The following FHOD3 variants were observed in gnomAD, a reference collection of about 807,000 sequenced individuals.
FHOD3 encodes the protein formin homology 2 domain containing 3, also known as FH1/FH2 domain-containing protein 3.
Under a neutral mutation model 173.0 loss-of-function variants are expected in FHOD3, and 90 were observed. That is an observed-to-expected ratio of 0.52 (90% confidence interval 0.44 to 0.62). FHOD3 has a LOEUF of 0.62. FHOD3 is among the 20% of genes least tolerant of loss of function. FHOD3 has a pLI of 0.00. For missense variants in FHOD3, 1,945 were observed against 2,034.7 expected (o/e 0.96, Z 0.85); for synonymous variants, 828 against 823.0 (o/e 1.01, Z -0.10).
intron 3 of FHOD3, among the ~76,000 whole-genome samples, chr18:36,373,635 T>C (rs1006258810): frequency 2.0e-5 from 3 of 152,230 alleles, no homozygotes; most frequent in African/African-American, 7.2e-5. Flanking sequence ...TGCCTCACTC[T>C]GCAGCTAAAG....
rs1177741466 is a variant in FHOD3, at chr18:36,602,751, A to G, written c.796A>G (p.Met266Val). 3.7e-6 allele frequency: 6 copies of G among 1,614,084 alleles called. No homozygotes were observed. Among genetic ancestry groups the G allele is most frequent in the East Asian group, 2.2e-5 (1 of 44,886 alleles). The stretch of plus-strand genomic sequence containing the variant: ...TGATACGGAGCTACTGGTTTATGCA[A>G]TGACTTTGGTGAACAAGGTTGGTTG... ...GVDTELLVYAMTLVNKTLSGL... is the reference protein window; with the variant it reads ...GVDTELLVYAVTLVNKTLSGL... The change falls in exon 8 of 29, where the codon ATG (methionine) becomes GTG (valine). Residue 266 changes from methionine (M) to valine (V), a missense_variant. Met to Val is a conservative substitution (Grantham distance 21). Around this residue, in one of 5 missense-constraint regions of FHOD3, gnomAD observed 1,099 missense variants for 1,051.2 expected, o/e 1.05. Transcript: ENST00000590592.
intron 2 of FHOD3, among the ~76,000 whole-genome samples, chr18:36,371,807 A>G (rs1390926622): frequency 6.6e-6 from 1 of 151,472 alleles, no homozygotes; most frequent in African/African-American, 2.5e-5. Context: ...GCCCTGGTGG[A>G]GAGAGGTGAG....
intron 1 of FHOD3, among the ~76,000 whole-genome samples, chr18:36,343,510 G>A (rs1489563155): frequency 6.6e-6 from 1 of 152,162 alleles, no homozygotes; most frequent in African/African-American, 2.4e-5. Context: ...TTGGGTCATG[G>A]GGATACATCC....
intron 1 of FHOD3, among the ~76,000 whole-genome samples, chr18:36,314,573 G>T (rs534831190): frequency 6.6e-6 from 1 of 152,322 alleles, no homozygotes; most frequent in Admixed American, 6.5e-5. Context: ...AGATATTTAA[G>T]AAGTTCAGGG....
At chr18:36,693,107 A>C (rs2039059840) in intron 16 of FHOD3, 102 bp from the exon 17 acceptor site, 31 of 1,187,524 alleles carry the variant, frequency 2.6e-5, no homozygotes, top group Non-Finnish European at 3.6e-5. Context: ...TGCTGTGTGC[A>C]TCAGGAAACC....
chr18:36,421,259 C>T (rs568588016), intron 3 of FHOD3, among the ~76,000 whole-genome samples: 2 of 151,912 alleles, frequency 1.3e-5, no homozygotes, highest in South Asian at 2.1e-4. Flanking sequence ...GGGAAATACA[C>T]ACAAATTGAA....
At chr18:36,627,820 C>T (rs1373395893) in intron 10 of FHOD3, among the ~76,000 whole-genome samples, 1 of 152,124 alleles carries the variant, frequency 6.6e-6, no homozygotes, top group African/African-American at 2.4e-5. Flanking sequence ...AGCTTAGTCA[C>T]CTGCTCAACA....
intron 3 of FHOD3, among the ~76,000 whole-genome samples, chr18:36,430,463 G>A (rs1365121420): frequency 2.0e-5 from 3 of 152,190 alleles, no homozygotes; most frequent in Admixed American, 6.5e-5. Flanking sequence ...TGATCCGCCT[G>A]CCTCGGCCTC....
chr18:36,445,678 A>T (rs1303919687), intron 3 of FHOD3, among the ~76,000 whole-genome samples: 1 of 152,172 alleles, frequency 6.6e-6, no homozygotes, highest in African/African-American at 2.4e-5. Context: ...GCTTTGCTTT[A>T]CCTCAATATT....
Position 36,658,102 on chromosome 18 carries a change from T to C in FHOD3, c.1749T>C (p.Tyr583=), listed in dbSNP as rs929205067. The C allele has an allele frequency of 3.1e-6, 5 of 1,607,426 alleles. No homozygotes were observed. The highest frequency in any genetic ancestry group is 1.1e-5 in the South Asian group (1 of 90,688). ...NRYSNFGNNS[Y]HSSRPSSGSS... ...ACAGCAATTTTGGCAATAACTCTTATCACTCCTCAAGACCCTCATCTGGAT... is the reference window on the plus strand; with the variant it reads ...ACAGCAATTTTGGCAATAACTCTTACCACTCCTCAAGACCCTCATCTGGAT... The change falls in exon 14 of 29, where the codon TAT becomes TAC. Residue 583 remains tyrosine (Y), a synonymous_variant. Coordinates refer to ENST00000590592, the MANE Select transcript of FHOD3 (RefSeq NM_001281740.3).
At chr18:36,337,694 T>G (rs562495318) in intron 1 of FHOD3, among the ~76,000 whole-genome samples, 2 of 152,334 alleles carry the variant, frequency 1.3e-5, no homozygotes, top group South Asian at 4.1e-4. Context: ...TAGAAATACA[T>G]GGATGCCTGT....
At chr18:36,632,008 T>C (rs1289589041) in intron 10 of FHOD3, among the ~76,000 whole-genome samples, 1 of 151,786 alleles carries the variant, frequency 6.6e-6, no homozygotes, top group Non-Finnish European at 1.5e-5. Context: ...TTGGTTCCAG[T>C]TTTTTTCTCA....
At position 36,382,355 on chromosome 18, in the gene FHOD3, C is replaced by T. The variant is rs542950872; in HGVS notation, c.337+9611C>T. On this transcript the variant is annotated intron_variant, in intron 3 of 28. Coordinates refer to ENST00000590592, the MANE Select transcript of FHOD3 (RefSeq NM_001281740.3). ...AAAGCTGGGTCTGGCTGCGTTTTTT[C>T]GAGGCCCAATAACGAGAAGCAGACA... Among the ~76,000 whole-genome samples, 42 of 152,152 alleles carry T rather than the reference C, an allele frequency of 2.8e-4. 1 individual carries two copies. The South Asian group carries it at 8.1e-3, about 29-fold the overall frequency.
chr18:36,697,923 G>A (rs1308491243), intron 17 of FHOD3, among the ~76,000 whole-genome samples: 1 of 152,186 alleles, frequency 6.6e-6, no homozygotes, highest in East Asian at 1.9e-4. Flanking sequence ...GATGTTCTGA[G>A]TCTCCTTCAG....
intron 1 of FHOD3, among the ~76,000 whole-genome samples, chr18:36,336,848 CAAAAAAAAAAAAA>C (rs36099993): frequency 8.4e-5 from 3 of 35,800 alleles, no homozygotes; most frequent in Non-Finnish European, 1.6e-4. Flanking sequence ...AACTCCGTCT[CAAAAAAAAAAAAA>C]AAAAAAAAAA....
intron 10 of FHOD3, among the ~76,000 whole-genome samples, chr18:36,633,139 CA>C (rs1316516504): frequency 6.6e-6 from 1 of 152,222 alleles, no homozygotes; most frequent in African/African-American, 2.4e-5. Flanking sequence ...TCACTTGAGG[CA>C]GTTTCCCCTT....
At chr18:36,632,627 G>A (rs957240101) in intron 10 of FHOD3, among the ~76,000 whole-genome samples, 1 of 152,056 alleles carries the variant, frequency 6.6e-6, no homozygotes. Context: ...GTGGCTTTTA[G>A]GCATCATGCT....
intron 3 of FHOD3, among the ~76,000 whole-genome samples, chr18:36,481,020 GTTTT>G (rs35793521): frequency 0.44 from 45,746 of 104,882 alleles, 8,466 homozygotes; most frequent in South Asian, 0.56. Context: ...TTGGGAGGTG[GTTTT>G]TTTTTTTTTT....
intron 5 of FHOD3, among the ~76,000 whole-genome samples, chr18:36,568,326 C>CAAAAAAAAAAAAA (rs71168234): frequency 4.2e-5 from 1 of 24,046 alleles, no homozygotes; most frequent in African/African-American, 1.6e-4. Flanking sequence ...GACTCTGTCT[C>CAAAAAAAAAAAAA]AAAAAAAAAA....
Sources: allele counts gnomAD v4.1 joint callset (sites outside exome capture counted in the v4.1 genomes callset), GRCh38; gene constraint gnomAD v4.1.1; regional missense constraint gnomAD v4.1.1; transcripts MANE v1.5; gene names NCBI Gene and HGNC (gene_info 2026-07-23, HGNC 2026-07-21).